HTR4: variants seen among roughly 807,000 people sequenced by gnomAD.
HTR4 encodes 5-hydroxytryptamine (serotonin) receptor 4, G protein-coupled.
Under a neutral mutation model 36.8 loss-of-function variants are expected in HTR4, and 16 were observed. The observed-to-expected ratio is 0.43, with a 90% CI of 0.29 to 0.66. The LOEUF is 0.66. Ranked by LOEUF, HTR4 falls within the 30% of genes least tolerant of loss-of-function variation. HTR4 has a pLI of 0.13. For synonymous variants in HTR4, 189 were observed against 185.1 expected (o/e 1.02, Z -0.17); for missense variants, 438 against 490.9 (o/e 0.89, Z 1.02).
At chr5:148,511,319 C>T (rs1757487546) in intron 5 of HTR4, among the ~76,000 whole-genome samples, 1 of 152,064 alleles carries the variant, frequency 6.6e-6, no homozygotes, top group Admixed American at 6.5e-5. Context: ...CTCCCAAATG[C>T]CTTCTCCTAG....
At chr5:148,532,727 G>A (rs1344937553) in intron 4 of HTR4, among the ~76,000 whole-genome samples, 1 of 152,168 alleles carries the variant, frequency 6.6e-6, no homozygotes, top group Non-Finnish European at 1.5e-5. Context: ...TAAAGTTAAT[G>A]AAATTGTAGG....
At chr5:148,554,709 G>A (rs968038211) in intron 2 of HTR4, among the ~76,000 whole-genome samples, 1 of 152,168 alleles carries the variant, frequency 6.6e-6, no homozygotes, top group African/African-American at 2.4e-5. Context: ...GTGCAGGTTT[G>A]TTATACAGGG....
At chr5:148,653,785 G>A (rs1754108945) in intron 1 of HTR4, among the ~76,000 whole-genome samples, 1 of 152,128 alleles carries the variant, frequency 6.6e-6, no homozygotes, top group South Asian at 2.1e-4. Context: ...TGTATAGTCA[G>A]TGAGCACACA....
chr5:148,544,346 CA>C (rs879446338), intron 4 of HTR4, among the ~76,000 whole-genome samples: 38,112 of 151,204 alleles, frequency 0.25, 5,662 homozygotes, highest in Non-Finnish European at 0.34. Flanking sequence ...TCTCTCCACA[CA>C]CACTCATGTA....
In HTR4 at chr5:148,571,813, T is replaced by C. The variant is rs113672021; in HGVS notation, c.27-21551A>G. 8.4e-3 allele frequency among the ~76,000 whole-genome samples: 1,271 copies of C among 152,186 alleles called. 28 individuals are homozygous for C. The highest frequency in any genetic ancestry group is 0.029 in the African/African-American group (1,208 of 41,554). On this transcript the variant is annotated intron_variant, in intron 2 of 6. Coordinates refer to ENST00000377888, the MANE Select transcript of HTR4 (RefSeq NM_000870.7). The stretch of plus-strand genomic sequence containing the variant: ...GCAGAGGTGGCACACTAGTTCCCTA[T>C]CAAGAAAATTAGAAAGATCTGCTCC...
intron 2 of HTR4, among the ~76,000 whole-genome samples, chr5:148,590,630 C>T (rs1761527931): frequency 6.6e-6 from 1 of 152,096 alleles, no homozygotes; most frequent in Admixed American, 6.5e-5. Context: ...TTTTCCTAAA[C>T]TCCATCCTTC....
At chr5:148,608,435 G>C (rs954009812) in intron 2 of HTR4, among the ~76,000 whole-genome samples, 7 of 152,088 alleles carry the variant, frequency 4.6e-5, no homozygotes, top group Non-Finnish European at 1.0e-4. Flanking sequence ...CAAATGAAGT[G>C]GTGAAGAAGA....
At chr5:148,467,017 C>A (rs1451228791) in intron 5 of HTR4, among the ~76,000 whole-genome samples, 1 of 152,124 alleles carries the variant, frequency 6.6e-6, no homozygotes, top group Non-Finnish European at 1.5e-5. Flanking sequence ...TTTCAATGGG[C>A]TCTAGATAAT....
At chr5:148,458,012 AAT>A (rs1298212718) in intron 5 of HTR4, among the ~76,000 whole-genome samples, 4 of 137,458 alleles carry the variant, frequency 2.9e-5, no homozygotes, top group African/African-American at 1.1e-4. Context: ...AGATATATTA[AAT>A]ATTAAATTAA....
rs1325558205 is a variant in HTR4 at position 148,455,789 on chromosome 5, T to G, written c.1077-4517A>C. Among the ~76,000 whole-genome samples the G allele has an allele frequency of 2.0e-5, 3 of 152,312 alleles. 1 individual carries two copies. The East Asian group carries it at 5.8e-4, about 29-fold the overall frequency. On this transcript the variant is annotated intron_variant, in intron 5 of 5. Coordinates refer to the HTR4 transcript ENST00000521530. ...TAGTCAGTTAATGCATATTTTGTAC[T>G]TATAATAAAGTAAGCTACAGAAAAT...
chr5:148,544,119 G>A (rs544528778), intron 4 of HTR4, among the ~76,000 whole-genome samples: 130 of 150,886 alleles, frequency 8.6e-4, no homozygotes, highest in African/African-American at 3.0e-3. Context: ...AAAACTGAAG[G>A]CCCCCAACCC....
intron 5 of HTR4, among the ~76,000 whole-genome samples, chr5:148,468,472 C>G (rs558056662): frequency 8.5e-5 from 13 of 152,148 alleles, no homozygotes; most frequent in Non-Finnish European, 1.6e-4. Flanking sequence ...GAAGGAAGAA[C>G]TGAATCTATC....
intron 2 of HTR4, among the ~76,000 whole-genome samples, chr5:148,553,996 A>G (rs1282780013): frequency 6.6e-6 from 1 of 152,244 alleles, no homozygotes; most frequent in Non-Finnish European, 1.5e-5. Flanking sequence ...ATTAATAGAT[A>G]AGTGAATAAA....
downstream of HTR4, among the ~76,000 whole-genome samples, chr5:148,473,942 G>T (rs9325100): frequency 6.6e-6 from 1 of 151,974 alleles, no homozygotes; most frequent in African/African-American, 2.4e-5. Context: ...GCTCTCCACC[G>T]AGACGGCTAC....
chr5:148,604,366 TA>T (rs960789668), intron 2 of HTR4, among the ~76,000 whole-genome samples: 7 of 150,902 alleles, frequency 4.6e-5, no homozygotes, highest in Admixed American at 2.0e-4. Context: ...AAAATCTTCA[TA>T]AAAAAAAAGA....
At chr5:148,490,800 C>G (rs902287820) in intron 6 of HTR4, 1 of 866,560 alleles carries the variant, frequency 1.2e-6, no homozygotes, top group East Asian at 6.2e-5. Flanking sequence ...TACCTCTCTC[C>G]CTCACATTAT....
chr5:148,619,447 T>C (rs752567707), intron 2 of HTR4, among the ~76,000 whole-genome samples: 6 of 150,910 alleles, frequency 4.0e-5, no homozygotes, highest in Non-Finnish European at 8.8e-5. Context: ...AACTAGGCAA[T>C]CATTTAAGTT....
intron 2 of HTR4, among the ~76,000 whole-genome samples, chr5:148,599,358 A>G (rs1368773564): frequency 2.0e-5 from 3 of 152,208 alleles, no homozygotes; most frequent in African/African-American, 7.2e-5. Flanking sequence ...TAAAACTCCA[A>G]TGTAAATAGA....
At chr5:148,461,900 A>G (rs528659237) in intron 5 of HTR4, 1 of 152,202 alleles carries the variant, frequency 6.6e-6, no homozygotes, top group Admixed American at 6.5e-5. Flanking sequence ...AATAGAAATT[A>G]CACAATGTCT....
Sources: gnomAD v4.1 joint callset for allele counts (sites outside exome capture counted in the v4.1 genomes callset) on GRCh38, gnomAD v4.1.1 for gene constraint, MANE v1.5 for transcripts, NCBI Gene and HGNC (gene_info 2026-07-23, HGNC 2026-07-21) for gene names.